Variants in TANGO6 observed in about 807,000 individuals in gnomAD.
TANGO6 encodes transport and golgi organization 6 homolog, also known as transport and Golgi organization protein 6 homolog.
A neutral mutation model predicts 114.2 loss-of-function variants in TANGO6; 90 were observed. That is an observed-to-expected ratio of 0.79 (90% confidence interval 0.66 to 0.94). The LOEUF is 0.94. Ranked by LOEUF, TANGO6 falls within the 40% of genes least tolerant of loss-of-function variation. The probability of loss-of-function intolerance (pLI) is 0.00; values close to 1 mark genes in which losing one functional copy is unlikely to be tolerated. For missense variants in TANGO6, 1,274 were observed against 1,315.3 expected (o/e 0.97, Z 0.49); for synonymous variants, 477 against 509.8 (o/e 0.94, Z 0.87).
intron 7 of TANGO6, among the ~76,000 whole-genome samples, chr16:68,888,874 G>A (rs572821329): frequency 7.9e-5 from 12 of 152,250 alleles, no homozygotes; most frequent in Admixed American, 3.9e-4. Flanking sequence ...GTGCAGTGGC[G>A]CAATCTCAGC....
chr16:68,972,714 A>G (rs1963719344), intron 14 of TANGO6, among the ~76,000 whole-genome samples: 1 of 152,216 alleles, frequency 6.6e-6, no homozygotes, highest in Admixed American at 6.5e-5. Context: ...AGAGCAGACA[A>G]TAAGGAAATA....
At chr16:68,868,827 T>A (rs764680955) in intron 4 of TANGO6, among the ~76,000 whole-genome samples, 2 of 152,184 alleles carry the variant, frequency 1.3e-5, no homozygotes, top group Non-Finnish European at 2.9e-5. Context: ...TGGGAATTCA[T>A]AATTTTTTCA....
chr16:69,036,466 A>AG (rs770002634), intron 16 of TANGO6, among the ~76,000 whole-genome samples: 35 of 152,176 alleles, frequency 2.3e-4, no homozygotes, highest in Non-Finnish European at 3.8e-4. Context: ...AGAGGGGTTG[A>AG]GGAAGTTTCC....
At chr16:68,858,846 T>C (rs1345567683) in intron 1 of TANGO6, among the ~76,000 whole-genome samples, 3 of 152,238 alleles carry the variant, frequency 2.0e-5, no homozygotes, top group East Asian at 1.9e-4. Context: ...GCTTTAGTTA[T>C]ATCCAACAAA....
rs1199773239 is a variant in TANGO6 at position 69,075,787 on chromosome 16, CAG to C, written c.3109-7695_3109-7694del. On this transcript the variant is annotated intron_variant, in intron 17 of 17. Transcript: ENST00000261778. ...CTTTTTTTTTTTTTTTTTTTTGAGA[CAG>C]AGTCTCACTCTGTGTTACCCGGACT... Among the ~76,000 whole-genome samples, 14 of 138,616 alleles carry C rather than the reference CAG, an allele frequency of 1.0e-4. No individual in the cohort carries two copies. The Admixed American group carries it at 1.1e-3, about 11-fold the overall frequency. The allele number at this position is 138,616 out of a possible 152,430, so 90.9% of individuals were successfully genotyped here. A position where few individuals can be genotyped will look rare whatever the true frequency, so the allele number is the denominator to read the frequency against.
intron 17 of TANGO6, among the ~76,000 whole-genome samples, chr16:69,065,803 C>G (rs1415274624): frequency 6.6e-6 from 1 of 152,142 alleles, no homozygotes; most frequent in Non-Finnish European, 1.5e-5. Context: ...CCTGGTCTTT[C>G]AGGTTTGAAT....
In TANGO6 at chr16:68,896,536, C is replaced by A. The variant is rs560600420; in HGVS notation, c.1378-3898C>A. Among the ~76,000 whole-genome samples, 3 of 151,760 alleles carry A rather than the reference C, an allele frequency of 2.0e-5. No homozygotes were observed. The East Asian group carries it at 5.9e-4, about 30-fold the overall frequency. On this transcript the variant is annotated intron_variant, in intron 7 of 17. Coordinates refer to ENST00000261778, the MANE Select transcript of TANGO6 (RefSeq NM_024562.2). Reference sequence around the variant, plus strand: ...ATGTTGCCCAGGCTGGTCTTGAACTCCTGGGCACAAGTGATCTTCCCACCT... The same window carrying A: ...ATGTTGCCCAGGCTGGTCTTGAACTACTGGGCACAAGTGATCTTCCCACCT...
intron 15 of TANGO6, among the ~76,000 whole-genome samples, chr16:68,990,487 A>G (rs28142): frequency 0.6 from 91,840 of 152,064 alleles, 27,880 homozygotes; most frequent in Non-Finnish European, 0.63. Flanking sequence ...CACCAGCTCC[A>G]TCCCACAACA....
chr16:69,054,726 G>C (rs1171765634), intron 17 of TANGO6, among the ~76,000 whole-genome samples: 4 of 151,428 alleles, frequency 2.6e-5, no homozygotes, highest in Admixed American at 2.6e-4. Flanking sequence ...GAGGTCAGGA[G>C]ATCGAGACCA....
intron 17 of TANGO6, among the ~76,000 whole-genome samples, chr16:69,045,149 CTTGTCT>C (rs1172590488): frequency 9.2e-6 from 1 of 108,352 alleles, no homozygotes; most frequent in Non-Finnish European, 1.9e-5. Flanking sequence ...GAGGGAGACT[CTTGTCT>C]CAAAAAAAAA....
At chr16:68,847,115 C>T (rs1961822228) in intron 1 of TANGO6, among the ~76,000 whole-genome samples, 1 of 152,020 alleles carries the variant, frequency 6.6e-6, no homozygotes, top group Admixed American at 6.6e-5. Context: ...GTCTCGAACT[C>T]CTGACTTCAA....
intron 16 of TANGO6, among the ~76,000 whole-genome samples, chr16:69,029,543 T>C (rs1369829432): frequency 6.6e-6 from 1 of 152,044 alleles, no homozygotes; most frequent in African/African-American, 2.4e-5. Context: ...ATAAATGTTA[T>C]GTATAATCAA....
intron 1 of TANGO6, among the ~76,000 whole-genome samples, chr16:68,855,864 A>G (rs989537651): frequency 6.6e-6 from 1 of 151,834 alleles, no homozygotes; most frequent in Admixed American, 6.6e-5. Context: ...TAGCCTTGAC[A>G]GAGCAAGACT....
intron 15 of TANGO6, among the ~76,000 whole-genome samples, chr16:68,996,789 C>T (rs113827003): frequency 0.021 from 3,214 of 152,080 alleles, 58 homozygotes; most frequent in Non-Finnish European, 0.031. Context: ...AATATCAAAC[C>T]GAAAGTACAC....
chr16:68,884,385 T>A (rs1439812324), intron 7 of TANGO6, among the ~76,000 whole-genome samples: 3 of 152,194 alleles, frequency 2.0e-5, no homozygotes, highest in African/African-American at 7.2e-5. Context: ...TTTTATTTTT[T>A]AATGTCTCAT....
At chr16:68,976,777 C>T (rs1313582583) in intron 15 of TANGO6, among the ~76,000 whole-genome samples, 1 of 152,194 alleles carries the variant, frequency 6.6e-6, no homozygotes, top group Admixed American at 6.5e-5. Flanking sequence ...TCTTGTCATG[C>T]ATGGCCTATA....
At chr16:69,066,768 C>T (rs1040709539) in intron 17 of TANGO6, among the ~76,000 whole-genome samples, 27 of 152,074 alleles carry the variant, frequency 1.8e-4, no homozygotes. Flanking sequence ...TTATATGTGC[C>T]TTATGCCTCC....
At chr16:68,875,732 A>G (rs1035061858) in intron 5 of TANGO6, among the ~76,000 whole-genome samples, 7 of 151,576 alleles carry the variant, frequency 4.6e-5, no homozygotes, top group Non-Finnish European at 7.4e-5. Context: ...TTGAGCCATT[A>G]CACTCCAGCC....
intron 12 of TANGO6, among the ~76,000 whole-genome samples, chr16:68,921,653 T>C (rs1371554549): frequency 7.0e-6 from 1 of 143,574 alleles, no homozygotes; most frequent in Non-Finnish European, 1.5e-5. Flanking sequence ...TTCACACTTA[T>C]CATTTCAAAC....
Sources: allele counts gnomAD v4.1 joint callset (sites outside exome capture counted in the v4.1 genomes callset), GRCh38; gene constraint gnomAD v4.1.1; transcripts MANE v1.5; gene names NCBI Gene and HGNC (gene_info 2026-07-23, HGNC 2026-07-21).